Variants in TNIK observed in about 807,000 individuals in gnomAD.
TNIK encodes TRAF2 and NCK-interacting protein kinase.
In TNIK, 49 loss-of-function variants were observed where a neutral mutation model predicts 191.3. The ratio of observed to expected loss-of-function variants is 0.26; its 90% CI spans 0.20 to 0.32. TNIK has a LOEUF of 0.32. TNIK is among the 10% of genes least tolerant of loss of function. The pLI, the probability that TNIK is intolerant of heterozygous loss-of-function variation, is 1.00. For missense variants in TNIK, 1,155 were observed against 1,702.3 expected, an observed-to-expected ratio of 0.68 and a Z score of 5.66; for synonymous variants, 594 against 600.9, an observed-to-expected ratio of 0.99 and a Z score of 0.17.
intron 1 of TNIK, among the ~76,000 whole-genome samples, chr3:171,429,584 T>C (rs757651163): frequency 7.2e-5 from 11 of 152,356 alleles, no homozygotes; most frequent in South Asian, 2.1e-4. Context: ...CAACCAGATA[T>C]TAAACATCTT....
intron 2 of TNIK, among the ~76,000 whole-genome samples, chr3:171,243,479 A>C (rs912034899): frequency 3.3e-5 from 5 of 151,856 alleles, no homozygotes. Flanking sequence ...TTGTTACACA[A>C]CTCCAAAAAG....
chr3:171,299,066 T>C (rs979701004), intron 2 of TNIK, among the ~76,000 whole-genome samples: 2 of 152,152 alleles, frequency 1.3e-5, no homozygotes, highest in African/African-American at 4.8e-5. Context: ...AGCAGCCTTG[T>C]GGGGAGCTCC....
chr3:171,377,943 C>A (rs1282723383), intron 1 of TNIK, among the ~76,000 whole-genome samples: 2 of 152,200 alleles, frequency 1.3e-5, no homozygotes, highest in Admixed American at 6.5e-5. Flanking sequence ...ACTCATTTCT[C>A]TACAAATGGC....
chr3:171,344,038 A>G (rs1284764625), intron 2 of TNIK, among the ~76,000 whole-genome samples: 2 of 152,130 alleles, frequency 1.3e-5, no homozygotes, highest in African/African-American at 4.8e-5. Flanking sequence ...TAGTTCTTAA[A>G]TTCTGTCTCT....
intron 2 of TNIK, among the ~76,000 whole-genome samples, chr3:171,230,655 CCTT>C (rs764070636): frequency 6.6e-6 from 1 of 152,146 alleles, no homozygotes; most frequent in Non-Finnish European, 1.5e-5. Flanking sequence ...ATGCCCTTTG[CCTT>C]CTTGACTCCT....
intron 1 of TNIK, among the ~76,000 whole-genome samples, chr3:171,434,637 G>GT (rs1214764894): frequency 2.6e-5 from 4 of 151,566 alleles, no homozygotes; most frequent in Non-Finnish European, 5.9e-5. Context: ...TTTTAAAATT[G>GT]TTTTTAGAGA....
rs529438475 is a variant in TNIK at position 171,292,645 on chromosome 3, G to A, written c.124-64424C>T. On this transcript the variant is annotated intron_variant, in intron 2 of 32. Coordinates refer to ENST00000436636, the MANE Select transcript of TNIK (RefSeq NM_015028.4). The stretch of plus-strand genomic sequence containing the variant: ...CAAAAAATTAGCTGGGCGTGGTGGC[G>A]GGAGCCTGTAGTCCCAGCTACTCGG... 2.7e-3 allele frequency among the ~76,000 whole-genome samples: 413 copies of A among 152,042 alleles called. 1 individual carries two copies. Among genetic ancestry groups the A allele is most frequent in the African/African-American group, 5.7e-3 (236 of 41,490 alleles).
chr3:171,297,286 C>G (rs533095947), intron 2 of TNIK, among the ~76,000 whole-genome samples: 1 of 152,132 alleles, frequency 6.6e-6, no homozygotes, highest in Non-Finnish European at 1.5e-5. Flanking sequence ...GATGCCATGC[C>G]CATAGAGAGG....
chr3:171,139,896 C>G (rs1730573966), intron 13 of TNIK, among the ~76,000 whole-genome samples: 1 of 152,188 alleles, frequency 6.6e-6, no homozygotes, highest in Non-Finnish European at 1.5e-5. Flanking sequence ...CTATAAAGTT[C>G]AGAGGCTCCT....
chr3:171,333,602 A>C (rs1393601213), intron 2 of TNIK, among the ~76,000 whole-genome samples: 1 of 151,346 alleles, frequency 6.6e-6, no homozygotes, highest in African/African-American at 2.4e-5. Flanking sequence ...AAAAAAAAAA[A>C]AACCTACAAC....
intron 1 of TNIK, among the ~76,000 whole-genome samples, chr3:171,411,495 T>C (rs1268875209): frequency 1.3e-5 from 2 of 148,224 alleles, no homozygotes; most frequent in African/African-American, 4.9e-5. Flanking sequence ...GTCATCTGGG[T>C]AAAAAAAAAA....
chr3:171,166,896 C>G (rs1398075691), intron 10 of TNIK, among the ~76,000 whole-genome samples, 199 bp downstream of exon 10: 1 of 152,142 alleles, frequency 6.6e-6, no homozygotes, highest in Admixed American at 6.5e-5. Flanking sequence ...TCTTGCAGTT[C>G]TATTTTTTTC....
chr3:171,298,764 T>C (rs1333725513), intron 2 of TNIK, among the ~76,000 whole-genome samples: 1 of 152,214 alleles, frequency 6.6e-6, no homozygotes, highest in East Asian at 1.9e-4. Context: ...CCACCAGAAA[T>C]TGGATTATCT....
intron 1 of TNIK, among the ~76,000 whole-genome samples, chr3:171,437,818 G>A (rs998961588): frequency 4.6e-5 from 7 of 152,230 alleles, no homozygotes; most frequent in Non-Finnish European, 1.0e-4. Context: ...CTTAAAAGCA[G>A]AATTAGATGG....
At chr3:171,332,599 C>T (rs1437277449) in intron 2 of TNIK, among the ~76,000 whole-genome samples, 2 of 152,098 alleles carry the variant, frequency 1.3e-5, no homozygotes, top group African/African-American at 4.8e-5. Flanking sequence ...CTGCTATAGC[C>T]AGAGAAAGGT....
rs565241888 is a variant in TNIK at position 171,083,788 on chromosome 3, C to T, written c.3169+367G>A. Among the ~76,000 whole-genome samples, 7 of 152,186 alleles carry T rather than the reference C, an allele frequency of 4.6e-5. 1 individual carries two copies. The South Asian group carries it at 1.5e-3, about 32-fold the overall frequency. ...TGTGGTATGGATCATGGAGAATGAA[C>T]GTGGGGTATATCACAAAGTGCCAGA... On this transcript the variant is annotated intron_variant, in intron 26 of 32. Transcript: ENST00000436636.
intron 1 of TNIK, among the ~76,000 whole-genome samples, chr3:171,387,951 A>G (rs1718951927): frequency 6.7e-6 from 1 of 150,050 alleles, no homozygotes; most frequent in Non-Finnish European, 1.5e-5. Context: ...TGACTGTACT[A>G]TCAGAAAAAT....
At chr3:171,143,494 G>C (rs1255651830) in intron 12 of TNIK, among the ~76,000 whole-genome samples, 1 of 152,196 alleles carries the variant, frequency 6.6e-6, no homozygotes, top group Admixed American at 6.5e-5. Flanking sequence ...GCACCTAAGA[G>C]TTTGTTGCGC....
chr3:171,446,685 C>T lies in TNIK; in HGVS notation c.57+13322G>A, dbSNP rs1197685996. ...ATCTACCTATGTGAAAAACTGAAAG[C>T]ACAACTTAAGATTTTGATTTTAGCA... is the stretch of plus-strand genomic sequence containing the variant. On this transcript the variant is annotated intron_variant, in intron 1 of 32. Transcript: ENST00000436636. Among the ~76,000 whole-genome samples the T allele has an allele frequency of 2.6e-5, 4 of 152,176 alleles. No homozygotes were observed. The South Asian group carries it at 8.3e-4, about 32-fold the overall frequency.
Sources: allele counts gnomAD v4.1 joint callset (sites outside exome capture counted in the v4.1 genomes callset), GRCh38; gene constraint gnomAD v4.1.1; transcripts MANE v1.5; gene names NCBI Gene and HGNC (gene_info 2026-07-23, HGNC 2026-07-21).